The following ROBO2 variants were observed in gnomAD, a reference collection of about 807,000 sequenced individuals.
The protein encoded by ROBO2 is roundabout guidance receptor 2, also known as roundabout homolog 2.
In ROBO2, 53 loss-of-function variants were observed where a neutral mutation model predicts 160.8. The ratio of observed to expected loss-of-function variants is 0.33; its 90% CI spans 0.26 to 0.41. ROBO2 has a LOEUF of 0.41. Among genes scored for constraint, ROBO2 ranks in the 10% least tolerant of loss-of-function variants. ROBO2 has a pLI of 1.00. For missense variants in ROBO2, 1,577 were observed against 1,722.4 expected (o/e 0.92, Z 1.49); for synonymous variants, 664 against 611.7 (o/e 1.09, Z -1.26).
At chr3:76,343,638 A>G (rs1287037614) in intron 2 of ROBO2, among the ~76,000 whole-genome samples, 7 of 151,834 alleles carry the variant, frequency 4.6e-5, no homozygotes, top group Admixed American at 1.3e-4. Flanking sequence ...TTATTGTTAG[A>G]GAGGTGTTTA....
intron 2 of ROBO2, among the ~76,000 whole-genome samples, chr3:75,956,902 G>C (rs374537454): frequency 8.6e-5 from 13 of 151,578 alleles, no homozygotes; most frequent in African/African-American, 2.9e-4. Context: ...TGACAAAATA[G>C]ATATCTCTTT....
At chr3:75,974,141 G>A (rs2065072649) in intron 2 of ROBO2, among the ~76,000 whole-genome samples, 1 of 151,674 alleles carries the variant, frequency 6.6e-6, no homozygotes, top group African/African-American at 2.4e-5. Context: ...CTATGGTGAG[G>A]TCATTGTGAT....
intron 2 of ROBO2, among the ~76,000 whole-genome samples, chr3:75,985,730 T>C (rs1408989791): frequency 6.6e-6 from 1 of 151,570 alleles, no homozygotes; most frequent in Non-Finnish European, 1.5e-5. Flanking sequence ...TATATATCTC[T>C]AGAAACTACC....
chr3:76,970,449 A>G (rs2059520009), intron 2 of ROBO2, among the ~76,000 whole-genome samples: 1 of 152,216 alleles, frequency 6.6e-6, no homozygotes, highest in South Asian at 2.1e-4. Context: ...AATCAAGTCT[A>G]AAAGTACCCT....
intron 2 of ROBO2, among the ~76,000 whole-genome samples, chr3:77,294,595 G>C (rs2061803049): frequency 6.7e-6 from 1 of 148,298 alleles, no homozygotes; most frequent in African/African-American, 2.6e-5. Flanking sequence ...GCTGAGGCTA[G>C]ATCATCAAAG....
chr3:77,042,337 G>T (rs2064184655), intron 1 of ROBO2, among the ~76,000 whole-genome samples: 1 of 152,218 alleles, frequency 6.6e-6, no homozygotes, highest in African/African-American at 2.4e-5. Context: ...TTACCTATTT[G>T]TCCCAGGTGT....
intron 2 of ROBO2, among the ~76,000 whole-genome samples, chr3:77,386,128 C>T (rs1013193173): frequency 2.0e-4 from 31 of 152,066 alleles, no homozygotes; most frequent in African/African-American, 7.2e-4. Flanking sequence ...ATTTTACCTG[C>T]ATTTTATTAC....
chr3:75,916,725 A>G (rs1201923052), intron 1 of ROBO2, among the ~76,000 whole-genome samples: 1 of 152,122 alleles, frequency 6.6e-6, no homozygotes, highest in Non-Finnish European at 1.5e-5. Context: ...ATGGCAATAT[A>G]AAGAGGCATA....
chr3:76,112,762 T>G (rs2070292659), intron 2 of ROBO2, among the ~76,000 whole-genome samples: 1 of 152,210 alleles, frequency 6.6e-6, no homozygotes, highest in South Asian at 2.1e-4. Context: ...ATTGAGATTT[T>G]ATAATTTTTG....
At chr3:76,786,711 T>C (rs2063001470) in intron 2 of ROBO2, among the ~76,000 whole-genome samples, 1 of 151,176 alleles carries the variant, frequency 6.6e-6, no homozygotes, top group Admixed American at 6.6e-5. Flanking sequence ...AAATTTCTTT[T>C]GTCAAGGGCT....
intron 2 of ROBO2, among the ~76,000 whole-genome samples, chr3:76,099,061 G>A (rs552467909): frequency 4.7e-4 from 72 of 152,220 alleles, no homozygotes; most frequent in African/African-American, 1.7e-3. Context: ...ATCCAGTAAA[G>A]TAAAATGATA....
chr3:75,951,184 A>G lies in ROBO2; in HGVS notation c.109+13582A>G, dbSNP rs539490202. On this transcript the variant is annotated intron_variant, in intron 2 of 26. Transcript: ENST00000487694. ...TGCGTGTATCAAAACATCACATGTG[A>G]CCATAAATTTATATACCTATTACCA... is the stretch of plus-strand genomic sequence containing the variant. Among the ~76,000 whole-genome samples the G allele has an allele frequency of 1.7e-4, 26 of 152,124 alleles. No homozygotes were observed. In the South Asian group the frequency reaches 4.6e-3, roughly 27 times the overall value.
chr3:77,130,811 G>A (rs1264876149), intron 2 of ROBO2, among the ~76,000 whole-genome samples: 1 of 152,086 alleles, frequency 6.6e-6, no homozygotes, highest in East Asian at 1.9e-4. Context: ...AAACTTCAAA[G>A]TAATCGCCAT....
intron 2 of ROBO2, among the ~76,000 whole-genome samples, chr3:77,319,150 T>C (rs1232099345): frequency 1.3e-5 from 2 of 152,188 alleles, no homozygotes; most frequent in African/African-American, 4.8e-5. Flanking sequence ...GCTAAGTCCA[T>C]TATGAGTTTA....
At chr3:77,027,013 T>C (rs1385910398) in intron 2 of ROBO2, among the ~76,000 whole-genome samples, 1 of 152,148 alleles carries the variant, frequency 6.6e-6, no homozygotes, top group African/African-American at 2.4e-5. Flanking sequence ...ACTACAAGAA[T>C]AGAGTCATAC....
chr3:77,369,414 G>A (rs2071418962), intron 2 of ROBO2, among the ~76,000 whole-genome samples: 1 of 152,158 alleles, frequency 6.6e-6, no homozygotes, highest in African/African-American at 2.4e-5. Context: ...GCAGCCAGAG[G>A]CAGTGTATGC....
chr3:76,105,297 A>G (rs2108198471), intron 2 of ROBO2, among the ~76,000 whole-genome samples: 2 of 152,258 alleles, frequency 1.3e-5, no homozygotes, highest in Admixed American at 1.3e-4. Flanking sequence ...TTAAGCAAGA[A>G]TTGCACACCT....
rs193019601 is a variant in ROBO2, at chr3:76,458,481, G to A, written c.109+520879G>A. 9.9e-5 allele frequency among the ~76,000 whole-genome samples: 15 copies of A among 152,186 alleles called. No individual in the cohort carries two copies. The East Asian group carries it at 2.7e-3, about 28-fold the overall frequency. ...CATTCAACATGTCTCTAGGAAATTC[G>A]AAACTTTCCCACATTTTCCTGTCTT... On this transcript the variant is annotated intron_variant, in intron 2 of 26. Coordinates refer to the ROBO2 transcript ENST00000487694.
intron 2 of ROBO2, among the ~76,000 whole-genome samples, chr3:76,475,793 G>A (rs1300001417): frequency 6.6e-6 from 1 of 152,144 alleles, no homozygotes; most frequent in African/African-American, 2.4e-5. Flanking sequence ...CCATTAAGTC[G>A]AGTGCTAGAA....
Sources: allele counts gnomAD v4.1 joint callset (sites outside exome capture counted in the v4.1 genomes callset), GRCh38; gene constraint gnomAD v4.1.1; transcripts MANE v1.5; gene names NCBI Gene and HGNC (gene_info 2026-07-23, HGNC 2026-07-21).